The following ABCA10 variants were observed in gnomAD, a reference collection of about 807,000 sequenced individuals.
The protein encoded by ABCA10 is ATP binding cassette subfamily A member 10.
A neutral mutation model predicts 187.5 loss-of-function variants in ABCA10; 169 were observed. That is an observed-to-expected ratio of 0.90 (90% CI 0.80 to 1.02). The LOEUF is 1.02. Ranked by LOEUF, ABCA10 falls within the 50% of genes least tolerant of loss-of-function variation. The probability of loss-of-function intolerance (pLI) is 0.00; values close to 1 mark genes in which losing one functional copy is unlikely to be tolerated. For synonymous variants in ABCA10, 574 were observed against 601.8 expected (o/e 0.95, Z 0.68); for missense variants, 1,727 against 1,812.4 (o/e 0.95, Z 0.86).
chr17:69,197,042 G>A (rs774800876), intron 11 of ABCA10, 22 bp downstream of exon 11: 1 of 1,540,972 alleles, frequency 6.5e-7, no homozygotes, highest in Non-Finnish European at 8.8e-7. Flanking sequence ...GAGGGAGAGG[G>A]AGAGGGAGTT....
chr17:69,189,634 C>T (rs889901499), intron 18 of ABCA10, among the ~76,000 whole-genome samples: 1 of 152,100 alleles, frequency 6.6e-6, no homozygotes, highest in African/African-American at 2.4e-5. Flanking sequence ...AGGTTTTCTT[C>T]TCAGGTTTTT....
chr17:69,191,688 T>A (rs2074461385), intron 16 of ABCA10, among the ~76,000 whole-genome samples: 1 of 152,138 alleles, frequency 6.6e-6, no homozygotes, highest in African/African-American at 2.4e-5. Context: ...TATAAAACTA[T>A]CATTATTGTG....
intron 23 of ABCA10, among the ~76,000 whole-genome samples, chr17:69,174,999 G>C (rs909872000): frequency 5.3e-5 from 8 of 152,126 alleles, no homozygotes; most frequent in African/African-American, 1.9e-4. Flanking sequence ...CATTGATACA[G>C]ATTAATGAAG....
At chr17:69,231,106 G>T (rs1225563235), upstream of ABCA10, among the ~76,000 whole-genome samples, 3 of 152,080 alleles carry the variant, frequency 2.0e-5, no homozygotes, top group East Asian at 5.8e-4. Context: ...AAGTGTCAGA[G>T]TCCGGAAGTC....
Position 69,193,932 on chromosome 17 carries a change from C to G in ABCA10, c.1403G>C (p.Arg468Thr). The G allele has an allele frequency of 6.2e-7, 1 of 1,612,124 alleles. No individual in the cohort carries two copies. Among genetic ancestry groups the G allele is most frequent in the Non-Finnish European group, 8.5e-7 (1 of 1,178,666 alleles). ...LSEITDMEEI[R>T]KNIGFCPQFN... is the part of the protein sequence containing the mutation. ...CTGTGGACAAAATCCAATATTCTTTCTAATTTCTTCCATGTCAGTTATTTC... is the reference window on the plus strand; with the variant it reads ...CTGTGGACAAAATCCAATATTCTTTGTAATTTCTTCCATGTCAGTTATTTC... The change falls in exon 13 of 39, where the codon AGA (arginine) becomes ACA (threonine). Residue 468 changes from arginine (R) to threonine (T), a missense_variant. Arg to Thr is a moderately conservative substitution (Grantham distance 71). Coordinates refer to ENST00000690296, the MANE Select transcript of ABCA10 (RefSeq NM_001377321.1).
intron 22 of ABCA10, among the ~76,000 whole-genome samples, chr17:69,177,973 A>AAATATATATATATATATGTTAT (rs2074348498): frequency 6.0e-5 from 3 of 49,978 alleles, no homozygotes; most frequent in Non-Finnish European, 9.0e-5. Flanking sequence ...AAAAAAAAAA[A>AAATATATATATATATATGTTAT]ATATATATAT....
rs1399792780 is a variant in ABCA10 at position 69,227,224 on chromosome 17, C to T, written c.-251G>A. 1 of 150,534 alleles carries T rather than the reference C, an allele frequency of 6.6e-6. No homozygotes were observed. Among genetic ancestry groups the T allele is most frequent in the Non-Finnish European group, 1.5e-5 (1 of 67,406 alleles). 9.3% of individuals were successfully genotyped at this position (150,534 alleles called of 1,614,324 possible). On this transcript the variant is annotated 5_prime_UTR_variant, in exon 2 of 39. Coordinates refer to ENST00000690296, the MANE Select transcript of ABCA10 (RefSeq NM_001377321.1). The stretch of plus-strand genomic sequence containing the variant: ...CCTGAATTTGTTGACGCACGCTTAT[C>T]TCTTTTTTAACCATTTTGTCCTGTT...
upstream of ABCA10, among the ~76,000 whole-genome samples, chr17:69,230,911 G>A (rs1480042905): frequency 6.6e-6 from 1 of 151,840 alleles, no homozygotes. Context: ...CTTTACATAT[G>A]ACTGGCAATT....
At chr17:69,167,614 A>T (rs1346128973) in intron 25 of ABCA10, among the ~76,000 whole-genome samples, 1 of 152,198 alleles carries the variant, frequency 6.6e-6, no homozygotes, top group East Asian at 1.9e-4. Flanking sequence ...AGAGAAATTA[A>T]CACAAGACAA....
In ABCA10 at chr17:69,148,081, C is replaced by G. The variant is rs1235055956; in HGVS notation, c.*746G>C. On this transcript the variant is annotated 3_prime_UTR_variant, in exon 39 of 39. Transcript: ENST00000690296. ...GAACGTAACAACTCTGGTATTACATCAATACAGCTATAACATTAATGCAGC... is the reference window on the plus strand; with the variant it reads ...GAACGTAACAACTCTGGTATTACATGAATACAGCTATAACATTAATGCAGC... 1 of 152,040 alleles carries G rather than the reference C, an allele frequency of 6.6e-6. No individual in the cohort carries two copies. Among genetic ancestry groups the G allele is most frequent in the Non-Finnish European group, 1.5e-5 (1 of 68,012 alleles). 9.4% of individuals were successfully genotyped at this position (152,040 alleles called of 1,614,324 possible). A position where few individuals can be genotyped will look rare whatever the true frequency, so the allele number is the denominator to read the frequency against.
intron 6 of ABCA10, 73 bp from the exon 7 acceptor site, chr17:69,216,431 TAAG>T: frequency 1.3e-6 from 2 of 1,495,328 alleles, no homozygotes; most frequent in Non-Finnish European, 1.8e-6. Context: ...GCGAAATGGT[TAAG>T]AGTAAAAGCT....
At chr17:69,207,446 G>A (rs142350686) in intron 9 of ABCA10, among the ~76,000 whole-genome samples, 26 of 152,132 alleles carry the variant, frequency 1.7e-4, no homozygotes, top group African/African-American at 6.0e-4. Context: ...TCCCATATTC[G>A]TTGTAGCATT....
chr17:69,211,314 GATATAT>G (rs58580286), intron 9 of ABCA10, among the ~76,000 whole-genome samples: 2,505 of 29,474 alleles, frequency 0.085, 39 homozygotes, highest in South Asian at 0.1. Flanking sequence ...TCATATATAT[GATATAT>G]ATATATATAT....
intron 27 of ABCA10, among the ~76,000 whole-genome samples, chr17:69,160,181 G>A (rs1386316032): frequency 6.6e-6 from 1 of 152,166 alleles, no homozygotes; most frequent in East Asian, 1.9e-4. Context: ...AACTGACATG[G>A]TGAAAAGATA....
chr17:69,204,681 C>T (rs753677167), intron 9 of ABCA10, among the ~76,000 whole-genome samples: 6 of 152,226 alleles, frequency 3.9e-5, no homozygotes, highest in Non-Finnish European at 8.8e-5. Context: ...TAAGCAGTTA[C>T]ATTTTAAATG....
In ABCA10 at chr17:69,237,831, T is replaced by C. The variant is rs143267118; in HGVS notation, c.-593+6698A>G. 4.5e-3 allele frequency among the ~76,000 whole-genome samples: 683 copies of C among 152,100 alleles called. 5 individuals are homozygous for C. The highest frequency in any genetic ancestry group is 8.2e-3 in the Non-Finnish European group (555 of 67,992). The stretch of plus-strand genomic sequence containing the variant: ...CAGGGAAGACAGCTATGTGACAAGA[T>C]TGGAGATAAGCATCTGCAAGCTAAG... On this transcript the variant is annotated intron_variant, in intron 1 of 39. Coordinates refer to the ABCA10 transcript ENST00000269081.
intron 1 of ABCA10, among the ~76,000 whole-genome samples, chr17:69,238,153 C>T (rs111367435): frequency 1.0e-5 from 1 of 97,338 alleles, no homozygotes; most frequent in African/African-American, 4.7e-5. Flanking sequence ...CAGAGTGAGA[C>T]TCTGTCAAAA....
At position 69,152,099 on chromosome 17, in the gene ABCA10, C is replaced by T. The variant is rs751648537; in HGVS notation, c.4341G>A (p.Val1447=). The stretch of plus-strand genomic sequence containing the variant: ...TCAAAATCTCTGTGTGGAGAGCTTC[C>T]ACCTGGGTAGGTTCTTTCATTTTTA... ...LEIKMKEPTQ[V]EALHTEILKL... The change falls in exon 36 of 39, where the codon GTG becomes GTA. Residue 1447 remains valine (V), a synonymous_variant. Coordinates refer to ENST00000690296, the MANE Select transcript of ABCA10 (RefSeq NM_001377321.1). 7 of 1,613,670 alleles carry T rather than the reference C, an allele frequency of 4.3e-6. No homozygotes were observed. The South Asian group carries it at 7.7e-5, about 18-fold the overall frequency.
At chr17:69,199,668 A>G (rs1446624379) in intron 10 of ABCA10, among the ~76,000 whole-genome samples, 1 of 152,208 alleles carries the variant, frequency 6.6e-6, no homozygotes, top group Non-Finnish European at 1.5e-5. Context: ...GACCTAAATA[A>G]CCGCTCTTCA....
Sources: gnomAD v4.1 joint callset for allele counts (sites outside exome capture counted in the v4.1 genomes callset) on GRCh38, gnomAD v4.1.1 for gene constraint, MANE v1.5 for transcripts, NCBI Gene and HGNC (gene_info 2026-07-23, HGNC 2026-07-21) for gene names.